SBF2: variants seen among roughly 807,000 people sequenced by gnomAD.
The protein encoded by SBF2 is SET binding factor 2, also known as myotubularin-related protein 13.
Under a neutral mutation model 225.2 loss-of-function variants are expected in SBF2, and 112 were observed. The ratio of observed to expected loss-of-function variants is 0.50; its 90% CI spans 0.43 to 0.58. SBF2 has a LOEUF of 0.58. Ranked by LOEUF, SBF2 falls within the 20% of genes least tolerant of loss-of-function variation. The probability of loss-of-function intolerance (pLI) is 0.00; values close to 1 mark genes in which losing one functional copy is unlikely to be tolerated. For missense variants in SBF2, 1,996 were observed against 2,206.2 expected (o/e 0.90, Z 1.91); for synonymous variants, 763 against 773.3 (o/e 0.99, Z 0.22).
intron 28 of SBF2, 126 bp downstream of exon 28, chr11:9,829,230 G>T: frequency 9.2e-7 from 1 of 1,091,728 alleles, no homozygotes; most frequent in Non-Finnish European, 1.4e-6. Context: ...ACCCTTCAGG[G>T]TAAAACTTTT....
At chr11:10,174,055 T>TG (rs910926984) in intron 2 of SBF2, among the ~76,000 whole-genome samples, 2,334 of 151,166 alleles carry the variant, frequency 0.015, 60 homozygotes, top group African/African-American at 0.055. Context: ...ACCACAAAGA[T>TG]GGGGAAAAAA....
chr11:9,910,124 A>C (rs542367810), intron 16 of SBF2, among the ~76,000 whole-genome samples: 11 of 152,344 alleles, frequency 7.2e-5, no homozygotes, highest in African/African-American at 2.6e-4. Context: ...GAAAAAGACT[A>C]ATAAATTCAA....
rs1044402949 is a variant in SBF2 at position 10,125,284 on chromosome 11, C to A, written c.141+68618G>T. On this transcript the variant is annotated intron_variant, in intron 2 of 39. Coordinates refer to ENST00000256190, the MANE Select transcript of SBF2 (RefSeq NM_030962.4). ...TACTCTCTCAACAGACTACGAGATTCGATTTTCTAATACTTTGCTTAGGAT... is the reference window on the plus strand; with the variant it reads ...TACTCTCTCAACAGACTACGAGATTAGATTTTCTAATACTTTGCTTAGGAT... 2.0e-5 allele frequency among the ~76,000 whole-genome samples: 3 copies of A among 151,880 alleles called. No individual in the cohort carries two copies. In the South Asian group the frequency reaches 6.2e-4, roughly 32 times the overall value.
chr11:9,964,917 C>T (rs1380391278), intron 14 of SBF2, among the ~76,000 whole-genome samples: 1 of 152,116 alleles, frequency 6.6e-6, no homozygotes, highest in Non-Finnish European at 1.5e-5. Flanking sequence ...AGCCTTGTCA[C>T]ATGGACATAC....
At chr11:10,274,309 G>A (rs959759680) in intron 1 of SBF2, among the ~76,000 whole-genome samples, 4 of 152,136 alleles carry the variant, frequency 2.6e-5, no homozygotes, top group Non-Finnish European at 4.4e-5. Context: ...CAGGTACCTA[G>A]AACTAAATTC....
chr11:10,087,317 A>T (rs1036218801), intron 2 of SBF2, among the ~76,000 whole-genome samples: 1 of 152,224 alleles, frequency 6.6e-6, no homozygotes, highest in Non-Finnish European at 1.5e-5. Flanking sequence ...GAGCCGTTGC[A>T]GTAGAACATT....
intron 25 of SBF2, among the ~76,000 whole-genome samples, chr11:9,839,956 G>A (rs901917661): frequency 1.3e-5 from 2 of 152,206 alleles, no homozygotes; most frequent in Non-Finnish European, 2.9e-5. Flanking sequence ...TTCCTTTTGG[G>A]CTGGGTGTGG....
intron 2 of SBF2, among the ~76,000 whole-genome samples, chr11:10,074,188 T>C (rs1469423074): frequency 1.3e-5 from 2 of 152,320 alleles, no homozygotes; most frequent in Non-Finnish European, 2.9e-5. Context: ...TGTAGTTGTA[T>C]GATGAGTACA....
intron 1 of SBF2, among the ~76,000 whole-genome samples, chr11:10,229,734 T>C (rs1958744191): frequency 6.6e-6 from 1 of 152,218 alleles, no homozygotes; most frequent in African/African-American, 2.4e-5. Flanking sequence ...TACTTCCAAC[T>C]ATGTGGTCAA....
intron 17 of SBF2, among the ~76,000 whole-genome samples, chr11:9,875,698 G>A (rs543706174): frequency 6.6e-6 from 1 of 152,328 alleles, no homozygotes; most frequent in African/African-American, 2.4e-5. Flanking sequence ...AATCCTCCCT[G>A]CAAGGTCCAG....
At position 9,839,595 on chromosome 11, in the gene SBF2, G is replaced by A. The variant is rs1251176111; in HGVS notation, c.3358C>T (p.Arg1120Cys). ...VEKACFRDYQRLGLGTISGSS... is the reference protein window; with the variant it reads ...VEKACFRDYQCLGLGTISGSS... ...CCACTTATGGTTCCTAAACCTAAAC[G>A]CTGATAGTCTCTGAAACAAGCTTTT... Residue 1120 changes from arginine (R) to cysteine (C), a missense_variant, in exon 26 of 40, where the codon CGT becomes TGT. Transcript: ENST00000256190. The A allele has an allele frequency of 6.2e-7, 1 of 1,614,064 alleles. No homozygotes were observed. The highest frequency in any genetic ancestry group is 8.5e-7 in the Non-Finnish European group (1 of 1,179,978).
At chr11:10,178,404 G>A (rs527928174) in intron 2 of SBF2, among the ~76,000 whole-genome samples, 20 of 141,654 alleles carry the variant, frequency 1.4e-4, no homozygotes, top group Middle Eastern at 3.6e-3. Flanking sequence ...GAGTGAACAG[G>A]CAACCTACAA....
chr11:9,897,248 T>C (rs1477675363), intron 16 of SBF2, among the ~76,000 whole-genome samples: 2 of 152,038 alleles, frequency 1.3e-5, no homozygotes, highest in African/African-American at 4.8e-5. Flanking sequence ...AGATAATTTT[T>C]TTTTTTGAGA....
At chr11:10,121,370 C>T (rs1953439692) in intron 2 of SBF2, among the ~76,000 whole-genome samples, 1 of 152,122 alleles carries the variant, frequency 6.6e-6, no homozygotes, top group African/African-American at 2.4e-5. Flanking sequence ...TCTTTCAATC[C>T]AATTCTGCTC....
At chr11:9,915,373 G>A (rs1320078167) in intron 16 of SBF2, among the ~76,000 whole-genome samples, 1 of 151,440 alleles carries the variant, frequency 6.6e-6, no homozygotes, top group Admixed American at 6.6e-5. Context: ...CTTGAACCCG[G>A]GAAGTGGAGA....
chr11:9,821,352 A>G (rs558486685), intron 28 of SBF2, among the ~76,000 whole-genome samples: 19 of 152,302 alleles, frequency 1.2e-4, no homozygotes, highest in South Asian at 4.2e-4. Flanking sequence ...GGTATTAAAC[A>G]AAAAATATTA....
At chr11:10,244,626 CATGTGTTATCCTGTTTCTGTAAAAA>C (rs1019750895) in intron 1 of SBF2, among the ~76,000 whole-genome samples, 2 of 152,094 alleles carry the variant, frequency 1.3e-5, no homozygotes, top group African/African-American at 4.8e-5. Flanking sequence ...GAATTTTAGG[CATGTGTTATCCTGTTTCTGTAAAAA>C]ATGCCAATGG....
At position 9,853,710 on chromosome 11, in the gene SBF2, A is replaced by T; in HGVS notation, c.2366T>A (p.Ile789Asn). Residue 789 changes from isoleucine (I) to asparagine (N), a missense_variant and splice_region_variant, in exon 20 of 40, where the codon ATT becomes AAT. Physicochemically the swap from Ile to Asn is moderately radical, Grantham distance 149 (BLOSUM62 -3). Coordinates refer to ENST00000256190, the MANE Select transcript of SBF2 (RefSeq NM_030962.4). ...SGSNSIVTNS[I>N]AGSVAESYDT... Reference sequence around the variant, plus strand: ...ATAGCTCTCAGCTACACTTCCTGCAATACTAAGACAGTCAAGGAAAGAAAT... The same window carrying T: ...ATAGCTCTCAGCTACACTTCCTGCATTACTAAGACAGTCAAGGAAAGAAAT... 1 of 1,613,800 alleles carries T rather than the reference A, an allele frequency of 6.2e-7. No individual in the cohort carries two copies.
intron 1 of SBF2, among the ~76,000 whole-genome samples, chr11:10,260,601 A>T (rs1275508553): frequency 6.6e-6 from 1 of 151,434 alleles, no homozygotes; most frequent in African/African-American, 2.4e-5. Context: ...CTGTAGTCCC[A>T]GCTACTCAGG....
Sources: allele counts gnomAD v4.1 joint callset (sites outside exome capture counted in the v4.1 genomes callset), GRCh38; gene constraint gnomAD v4.1.1; transcripts MANE v1.5; gene names NCBI Gene and HGNC (gene_info 2026-07-23, HGNC 2026-07-21).